MAN1C1: variants seen among roughly 807,000 people sequenced by gnomAD.
The protein encoded by MAN1C1 is mannosidase alpha class 1C member 1.
MAN1C1 carries 49 observed loss-of-function variants against 71.5 expected under a neutral mutation model. The observed-to-expected ratio is 0.69, with a 90% CI of 0.54 to 0.87. The LOEUF (loss-of-function observed/expected upper bound fraction) is 0.87. Ranked by LOEUF, MAN1C1 falls within the 40% of genes least tolerant of loss-of-function variation. MAN1C1 has a pLI of 0.00. For synonymous variants in MAN1C1, 352 were observed against 343.7 expected, an observed-to-expected ratio of 1.02 and a Z score of -0.27; for missense variants, 743 against 835.0, an observed-to-expected ratio of 0.89 and a Z score of 1.36.
intron 1 of MAN1C1, among the ~76,000 whole-genome samples, chr1:25,643,311 A>G (rs1028544857): frequency 2.6e-5 from 4 of 151,576 alleles, no homozygotes; most frequent in South Asian, 2.1e-4. Flanking sequence ...CTGGAGTTCA[A>G]TAGCACGATC....
rs1240624960 is a variant in MAN1C1 at position 25,735,512 on chromosome 1, G to A, written c.638-11156G>A. Reference sequence around the variant, plus strand: ...TGTGTATATGTGTGTATGTATGTGTGTGTATATATATGTGTATGTATATGT... The same window carrying A: ...TGTGTATATGTGTGTATGTATGTGTATGTATATATATGTGTATGTATATGT... On this transcript the variant is annotated intron_variant, in intron 2 of 11. Transcript: ENST00000374332. This position sits in a 1 kb window ranked among gnomAD's most constrained non-coding sequence, Gnocchi z 4.6. 6.6e-6 allele frequency among the ~76,000 whole-genome samples: 1 copy of A among 152,124 alleles called. No individual in the cohort carries two copies. The highest frequency in any genetic ancestry group is 1.5e-5 in the Non-Finnish European group (1 of 68,022).
chr1:25,758,476 C>G (rs2047318161), intron 5 of MAN1C1, 116 bp from the exon 6 acceptor site: 1 of 835,096 alleles, frequency 1.2e-6, no homozygotes, highest in African/African-American at 1.7e-5. Context: ...GGCGAAAGCT[C>G]CTGGTTCCAT....
chr1:25,662,490 C>T (rs1283943984), intron 1 of MAN1C1, among the ~76,000 whole-genome samples: 1 of 152,166 alleles, frequency 6.6e-6, no homozygotes, highest in Admixed American at 6.5e-5. Flanking sequence ...AACATTTTCT[C>T]GTGTCACAGA....
At chr1:25,702,024 C>T (rs1284095610) in intron 2 of MAN1C1, among the ~76,000 whole-genome samples, 3 of 152,196 alleles carry the variant, frequency 2.0e-5, no homozygotes, top group Non-Finnish European at 4.4e-5. Flanking sequence ...CTCACCGCGG[C>T]ACTCCAGCCT....
intron 1 of MAN1C1, among the ~76,000 whole-genome samples, chr1:25,655,074 T>C (rs1331132460): frequency 6.6e-6 from 1 of 152,212 alleles, no homozygotes; most frequent in Admixed American, 6.5e-5. Flanking sequence ...CATGTGTGCT[T>C]GTGCTTTTTT....
At position 25,735,480 on chromosome 1, in the gene MAN1C1, ATATATGTGTG is replaced by A. The variant is rs1355160243; in HGVS notation, c.638-11174_638-11165del. 3.3e-5 allele frequency among the ~76,000 whole-genome samples: 5 copies of A among 152,234 alleles called. No individual in the cohort carries two copies. Among genetic ancestry groups the A allele is most frequent in the Admixed American group, 1.3e-4 (2 of 15,268 alleles). On this transcript the variant is annotated intron_variant, in intron 2 of 11. Transcript: ENST00000374332. This position sits in a 1 kb window ranked among gnomAD's most constrained non-coding sequence, Gnocchi z 4.6. Reference sequence around the variant, plus strand: ...TGTGTGTATCTATATATGTGTATGTATATATGTGTGTATATGTGTGTATGTATGTGTGTGT... The same window carrying A: ...TGTGTGTATCTATATATGTGTATGTATATATGTGTGTATGTATGTGTGTGT...
Position 25,679,976 on chromosome 1 carries a change from T to C in MAN1C1, c.541-6464T>C, listed in dbSNP as rs986717279. ...ATATATATATATATATATATATATA[T>C]ATACACACACACACACACATATATA... On this transcript the variant is annotated intron_variant, in intron 1 of 11. Coordinates refer to ENST00000374332, the MANE Select transcript of MAN1C1 (RefSeq NM_020379.4). 7.5e-3 allele frequency among the ~76,000 whole-genome samples: 995 copies of C among 132,308 alleles called. 6 individuals are homozygous for C. Among genetic ancestry groups the C allele is most frequent in the Non-Finnish European group, 9.7e-3 (624 of 64,038 alleles). 86.8% of individuals were successfully genotyped at this position (132,308 alleles called of 152,430 possible).
intron 1 of MAN1C1, among the ~76,000 whole-genome samples, chr1:25,671,540 C>G (rs996254327): frequency 1.2e-4 from 19 of 152,192 alleles, no homozygotes; most frequent in African/African-American, 4.1e-4. Flanking sequence ...CAATAGGGGG[C>G]CGTAGGAGGA....
intron 2 of MAN1C1, among the ~76,000 whole-genome samples, chr1:25,724,697 C>G (rs1467938725): frequency 1.3e-5 from 2 of 152,188 alleles, no homozygotes; most frequent in African/African-American, 4.8e-5. Context: ...AGTGTCTAGG[C>G]ATGGCTCCGG....
Position 25,617,360 on chromosome 1 carries a change from A to T in MAN1C1, c.-438A>T, listed in dbSNP as rs1464726440. On this transcript the variant is annotated 5_prime_UTR_variant, in exon 1 of 12. Coordinates refer to ENST00000374332, the MANE Select transcript of MAN1C1 (RefSeq NM_020379.4). This position sits in a 1 kb window ranked among gnomAD's most constrained non-coding sequence, Gnocchi z 5.1. ...TTGGGCGCCTACCAGCGCGGGCGGGAGCCTAGGGGGCGGAGGGCGGCTTGG... is the reference window on the plus strand; with the variant it reads ...TTGGGCGCCTACCAGCGCGGGCGGGTGCCTAGGGGGCGGAGGGCGGCTTGG... 6.6e-6 allele frequency: 1 copy of T among 151,472 alleles called. No homozygotes were observed. The highest frequency in any genetic ancestry group is 6.6e-5 in the Admixed American group (1 of 15,216). 9.4% of individuals were successfully genotyped at this position (151,472 alleles called of 1,614,324 possible).
In MAN1C1 at chr1:25,730,256, C is replaced by A. The variant is rs764938322; in HGVS notation, c.638-16412C>A. ...CAGTTTTTGACAGTTACCCTGAAAC[C>A]GTTTTAAAATGATCTCAGAGGCAGA... On this transcript the variant is annotated intron_variant, in intron 2 of 11. Coordinates refer to ENST00000374332, the MANE Select transcript of MAN1C1 (RefSeq NM_020379.4). The surrounding 1 kb of genome is among the most constrained non-coding windows in gnomAD (Gnocchi z 4.3). Among the ~76,000 whole-genome samples, 1 of 152,150 alleles carries A rather than the reference C, an allele frequency of 6.6e-6. No homozygotes were observed. Among genetic ancestry groups the A allele is most frequent in the Non-Finnish European group, 1.5e-5 (1 of 68,028 alleles).
chr1:25,748,787 C>T (rs2047172615), intron 3 of MAN1C1, among the ~76,000 whole-genome samples: 1 of 152,246 alleles, frequency 6.6e-6, no homozygotes, highest in African/African-American at 2.4e-5. Flanking sequence ...CTGGCTCCCT[C>T]CTTCTTAGCC....
At position 25,779,875 on chromosome 1, in the gene MAN1C1, A is replaced by G. The variant is rs988413325; in HGVS notation, c.1478-1065A>G. On this transcript the variant is annotated intron_variant, in intron 9 of 11. Coordinates refer to ENST00000374332, the MANE Select transcript of MAN1C1 (RefSeq NM_020379.4). The surrounding 1 kb of genome is among the most constrained non-coding windows in gnomAD (Gnocchi z 4.6). ...GCCTCTCAGGGTTTTGAACCCTGGT[A>G]GTAGGGAAGAGGGCTCACATTAGGA... Among the ~76,000 whole-genome samples, 3 of 152,150 alleles carry G rather than the reference A, an allele frequency of 2.0e-5. No homozygotes were observed. Among genetic ancestry groups the G allele is most frequent in the African/African-American group, 7.2e-5 (3 of 41,436 alleles).
chr1:25,690,028 A>G (rs2046286472), intron 2 of MAN1C1, among the ~76,000 whole-genome samples: 1 of 152,144 alleles, frequency 6.6e-6, no homozygotes, highest in Non-Finnish European at 1.5e-5. Flanking sequence ...GTGGCACTTC[A>G]CCAAGTGAAT....
intron 7 of MAN1C1, among the ~76,000 whole-genome samples, chr1:25,766,531 G>T (rs541579459): frequency 6.6e-6 from 1 of 152,274 alleles, no homozygotes; most frequent in African/African-American, 2.4e-5. Context: ...AACGAAGGAG[G>T]AGTTAGGACT....
intron 4 of MAN1C1, among the ~76,000 whole-genome samples, chr1:25,749,609 G>A (rs1358307832): frequency 6.6e-6 from 1 of 152,182 alleles, no homozygotes; most frequent in African/African-American, 2.4e-5. Context: ...GGCAGCAAGA[G>A]GAGAATGGCT....
At position 25,771,858 on chromosome 1, in the gene MAN1C1, G is replaced by C. The variant is rs891993899; in HGVS notation, c.1257+86G>C. ...CCGAGCGAGGGTGCTGCGGGCAGCG[G>C]GGCCAGATGGGCCGAGACTTGCTCC... On this transcript the variant is annotated intron_variant, in intron 8 of 11. Coordinates refer to ENST00000374332, the MANE Select transcript of MAN1C1 (RefSeq NM_020379.4). 7 of 975,438 alleles carry C rather than the reference G, an allele frequency of 7.2e-6. No homozygotes were observed. The Admixed American group carries it at 7.3e-5, about 10-fold the overall frequency. 60.4% of individuals were successfully genotyped at this position (975,438 alleles called of 1,614,324 possible).
chr1:25,770,893 G>C (rs1475343655), intron 7 of MAN1C1, among the ~76,000 whole-genome samples: 1 of 151,890 alleles, frequency 6.6e-6, no homozygotes, highest in Admixed American at 6.6e-5. Flanking sequence ...TCTATCAAAT[G>C]CCTTTACGTT....
chr1:25,620,961 C>T (rs549676105), intron 1 of MAN1C1, among the ~76,000 whole-genome samples: 20 of 152,324 alleles, frequency 1.3e-4, no homozygotes, highest in African/African-American at 4.6e-4. Flanking sequence ...AATTTTGGAA[C>T]CTTGGCAAAA....
Sources: gnomAD v4.1 joint callset for allele counts (sites outside exome capture counted in the v4.1 genomes callset) on GRCh38, gnomAD v4.1.1 for gene constraint, Gnocchi (gnomAD v3.1) non-coding constraint, MANE v1.5 for transcripts, NCBI Gene and HGNC (gene_info 2026-07-23, HGNC 2026-07-21) for gene names.